The following LIPA variants were observed in gnomAD, a reference collection of about 807,000 sequenced individuals.
The protein encoded by LIPA is lysosomal acid lipase/cholesteryl ester hydrolase.
A neutral mutation model predicts 40.6 loss-of-function variants in LIPA; 26 were observed. The ratio of observed to expected loss-of-function variants is 0.64; its 90% CI spans 0.47 to 0.89. LIPA has a LOEUF of 0.89. LIPA is among the 40% of genes least tolerant of loss of function. LIPA has a pLI of 0.00. For synonymous variants in LIPA, 188 were observed against 168.4 expected, an observed-to-expected ratio of 1.12 and a Z score of -0.90; for missense variants, 455 against 479.6, an observed-to-expected ratio of 0.95 and a Z score of 0.48.
At chr10:89,254,886 A>G (rs554952200), upstream of LIPA, among the ~76,000 whole-genome samples, 1 of 152,370 alleles carries the variant, frequency 6.6e-6, no homozygotes, top group East Asian at 1.9e-4. Flanking sequence ...TTGCTAAAAC[A>G]TAGCAAGAGT....
At chr10:89,380,387 G>T (rs1156771326) in intron 2 of LIPA, among the ~76,000 whole-genome samples, 2 of 151,868 alleles carry the variant, frequency 1.3e-5, no homozygotes, top group African/African-American at 4.8e-5. Flanking sequence ...GTCCCTGTCT[G>T]CCACAGGCAT....
intron 2 of LIPA, chr10:89,405,090 G>A (rs1844508821): frequency 6.6e-6 from 1 of 152,206 alleles, no homozygotes; most frequent in African/African-American, 2.4e-5. Flanking sequence ...CAAACCTCAT[G>A]CAGTTTACAA....
intron 2 of LIPA, among the ~76,000 whole-genome samples, chr10:89,360,198 T>C (rs1844013918): frequency 2.0e-5 from 3 of 152,186 alleles, no homozygotes. Context: ...GGATTTTAAG[T>C]GCCTAGCATC....
At chr10:89,345,049 C>A (rs1843907061), upstream of LIPA, among the ~76,000 whole-genome samples, 1 of 151,334 alleles carries the variant, frequency 6.6e-6, no homozygotes, top group Non-Finnish European at 1.5e-5. Context: ...CATCTGTAAT[C>A]CCAGCCACTT....
intron 1 of LIPA, among the ~76,000 whole-genome samples, chr10:89,328,814 G>C (rs1843623218): frequency 6.6e-6 from 1 of 152,164 alleles, no homozygotes; most frequent in African/African-American, 2.4e-5. Context: ...ATCTCTAATG[G>C]TGGGAAGCAG....
intron 2 of LIPA, among the ~76,000 whole-genome samples, chr10:89,398,715 C>G (rs1054208893): frequency 6.6e-6 from 1 of 152,080 alleles, no homozygotes; most frequent in Non-Finnish European, 1.5e-5. Context: ...AATGTCTTTT[C>G]TTTTTTAAGG....
chr10:89,345,005 A>C (rs1333155896), upstream of LIPA, among the ~76,000 whole-genome samples: 2 of 151,978 alleles, frequency 1.3e-5, no homozygotes, highest in African/African-American at 4.8e-5. Flanking sequence ...GGTTTCTACT[A>C]AAAATACAAA....
At chr10:89,229,553 C>G (rs546148911) in intron 3 of LIPA, among the ~76,000 whole-genome samples, 1 of 152,188 alleles carries the variant, frequency 6.6e-6, no homozygotes, top group Non-Finnish European at 1.5e-5. Context: ...TAGTTCGAGA[C>G]TAGCCTGGCC....
chr10:89,288,778 T>C (rs1246208178), intron 1 of LIPA, among the ~76,000 whole-genome samples: 1 of 152,182 alleles, frequency 6.6e-6, no homozygotes, highest in Non-Finnish European at 1.5e-5. Flanking sequence ...GCCAAACTCA[T>C]TGCCTTAACT....
At chr10:89,225,310 C>A in intron 5 of LIPA, 82 bp from the exon 6 acceptor site, 2 of 1,563,754 alleles carry the variant, frequency 1.3e-6, no homozygotes, top group Non-Finnish European at 8.8e-7. Context: ...TCACTCGCGA[C>A]GCCCTCTCGC....
In LIPA at chr10:89,384,240, G is replaced by T. The variant is rs753125288; in HGVS notation, c.61+28551C>A. ...AAATCAAGGAAGCTACAAACTGGCA[G>T]CCTAGAGGGCAAGATAGGGAAACTG... On this transcript the variant is annotated intron_variant, in intron 2 of 8. Coordinates refer to the LIPA transcript ENST00000371837. 4.3e-6 allele frequency: 7 copies of T among 1,614,084 alleles called. No homozygotes were observed. The Admixed American group carries it at 1.2e-4, about 27-fold the overall frequency.
intron 2 of LIPA, among the ~76,000 whole-genome samples, chr10:89,373,806 C>G (rs184330397): frequency 4.6e-5 from 7 of 152,304 alleles, no homozygotes; most frequent in African/African-American, 1.7e-4. Flanking sequence ...AAGGCAAGTT[C>G]TCATTCAGGA....
intron 2 of LIPA, among the ~76,000 whole-genome samples, chr10:89,354,862 G>C (rs1015193212): frequency 4.6e-5 from 7 of 152,112 alleles, no homozygotes; most frequent in African/African-American, 1.7e-4. Context: ...CACCATGCCC[G>C]GTGTATGTTA....
intron 3 of LIPA, among the ~76,000 whole-genome samples, chr10:89,244,177 T>C (rs1842996303): frequency 6.6e-6 from 1 of 151,316 alleles, no homozygotes; most frequent in African/African-American, 2.4e-5. Context: ...AAATCAAATT[T>C]CAAAAAAAAT....
chr10:89,261,375 G>A (rs892377455), intron 1 of LIPA, among the ~76,000 whole-genome samples: 26 of 152,164 alleles, frequency 1.7e-4, no homozygotes, highest in African/African-American at 6.3e-4. Context: ...TTTGATGGCG[G>A]ACGCCTGTAA....
At chr10:89,383,598 G>A (rs756548372) in intron 2 of LIPA, 3 of 1,614,202 alleles carry the variant, frequency 1.9e-6, no homozygotes, top group Non-Finnish European at 2.5e-6. Context: ...TTAGAAGTCT[G>A]GTGACCTGGG....
At chr10:89,266,900 T>C (rs1843238939) in intron 1 of LIPA, among the ~76,000 whole-genome samples, 2 of 152,242 alleles carry the variant, frequency 1.3e-5, no homozygotes, top group Non-Finnish European at 2.9e-5. Flanking sequence ...TCTGTAAAAC[T>C]GCAGAGTGCA....
At chr10:89,219,608 TACC>T in intron 8 of LIPA, among the ~76,000 whole-genome samples, 1 of 152,170 alleles carries the variant, frequency 6.6e-6, no homozygotes, top group Non-Finnish European at 1.5e-5. Context: ...CCCAAACTCA[TACC>T]ATAAGAGCCC....
chr10:89,309,666 C>T (rs893003006), intron 1 of LIPA, among the ~76,000 whole-genome samples: 1 of 152,142 alleles, frequency 6.6e-6, no homozygotes, highest in Non-Finnish European at 1.5e-5. Flanking sequence ...CTTGCTGGAA[C>T]AGGACCCTTA....
Sources: gnomAD v4.1 joint callset for allele counts (sites outside exome capture counted in the v4.1 genomes callset) on GRCh38, gnomAD v4.1.1 for gene constraint, MANE v1.5 for transcripts, NCBI Gene and HGNC (gene_info 2026-07-23, HGNC 2026-07-21) for gene names.